Variants in SIL1 observed in about 807,000 individuals in gnomAD.
SIL1 encodes nucleotide exchange factor SIL1.
In SIL1, 40 loss-of-function variants were observed where a neutral mutation model predicts 49.1. The ratio of observed to expected loss-of-function variants is 0.81; its 90% CI spans 0.63 to 1.06. The LOEUF (loss-of-function observed/expected upper bound fraction) is 1.06, where lower values mean the gene tolerates loss of function less well. Among genes scored for constraint, SIL1 ranks in the 50% least tolerant of loss-of-function variants. The pLI is 0.00. For missense variants in SIL1, 500 were observed against 572.6 expected (o/e 0.87, Z 1.29); for synonymous variants, 253 against 250.8 (o/e 1.01, Z -0.08).
rs79189247 is a variant in SIL1, at chr5:139,182,021, G to A, written c.-11+16248C>T. On this transcript the variant is annotated intron_variant, in intron 1 of 9. Coordinates refer to ENST00000394817, the MANE Select transcript of SIL1 (RefSeq NM_022464.5). Reference sequence around the variant, plus strand: ...TTTAAGGCAGAGAAGGGGGTGGAAGGTTATTTGAATTTAAACGAGCAGTAA... The same window carrying A: ...TTTAAGGCAGAGAAGGGGGTGGAAGATTATTTGAATTTAAACGAGCAGTAA... Among the ~76,000 whole-genome samples the A allele has an allele frequency of 9.7e-3, 1,480 of 152,222 alleles. 25 individuals are homozygous for A. Among genetic ancestry groups the A allele is most frequent in the African/African-American group, 0.028 (1,144 of 41,528 alleles).
chr5:139,131,930 A>G lies in SIL1; in HGVS notation c.-10-4077T>C, dbSNP rs117014803. Among the ~76,000 whole-genome samples the G allele has an allele frequency of 9.7e-4, 148 of 152,272 alleles. 1 individual carries two copies. In the East Asian group the frequency reaches 0.025, roughly 26 times the overall value. ...GCTGCAGCCTTGGCTGTGGGGAGAA[A>G]AAGAATAAAGAATAGAAGTGGGGGA... On this transcript the variant is annotated intron_variant, in intron 1 of 9. Coordinates refer to ENST00000394817, the MANE Select transcript of SIL1 (RefSeq NM_022464.5).
intron 7 of SIL1, among the ~76,000 whole-genome samples, chr5:138,988,482 C>T (rs976447977): frequency 2.0e-5 from 3 of 152,172 alleles, no homozygotes; most frequent in Admixed American, 6.5e-5. Flanking sequence ...ATACCTCCTT[C>T]GTTTAAACAA....
chr5:139,098,320 G>A (rs1770513742), intron 3 of SIL1, among the ~76,000 whole-genome samples: 1 of 152,142 alleles, frequency 6.6e-6, no homozygotes, highest in Non-Finnish European at 1.5e-5. Context: ...TTTGACAAAG[G>A]TGCCAAGAAC....
Position 139,157,539 on chromosome 5 carries a change from A to G in SIL1, c.-10-29686T>C, listed in dbSNP as rs771904488. 2.0e-4 allele frequency among the ~76,000 whole-genome samples: 31 copies of G among 152,342 alleles called. 1 individual carries two copies. Among genetic ancestry groups the G allele is most frequent in the Middle Eastern group, 3.4e-3 (1 of 294 alleles). On this transcript the variant is annotated intron_variant, in intron 1 of 9. Coordinates refer to ENST00000394817, the MANE Select transcript of SIL1 (RefSeq NM_022464.5). ...GCCCAGAGGTACCTCAAGTTAACCA[A>G]TTCTGGAATTAACAAGCAAGCTAAT...
At chr5:139,055,796 G>C (rs955812165) in intron 3 of SIL1, among the ~76,000 whole-genome samples, 1,854 of 117,662 alleles carry the variant, frequency 0.016, 43 homozygotes, top group African/African-American at 0.067. Flanking sequence ...TCAGCCTGCC[G>C]AGTGCCTGCG....
chr5:139,140,180 G>A, intron 1 of SIL1, among the ~76,000 whole-genome samples: 1 of 151,930 alleles, frequency 6.6e-6, no homozygotes, highest in East Asian at 1.9e-4. Context: ...TGAGGCAAGA[G>A]AATTGCTTGA....
intron 3 of SIL1, among the ~76,000 whole-genome samples, chr5:139,112,720 G>A (rs1425043026): frequency 1.3e-5 from 2 of 150,254 alleles, no homozygotes; most frequent in African/African-American, 4.9e-5. Flanking sequence ...TGCGGGAGGT[G>A]GGGGGCGCCT....
rs1455745975 is a variant in SIL1 at position 139,040,485 on chromosome 5, TTTTTTCTTTTTTC to T, written c.453+2122_453+2134del. Among the ~76,000 whole-genome samples the T allele has an allele frequency of 1.0e-4, 10 of 100,362 alleles. 1 individual carries two copies. The highest frequency in any genetic ancestry group is 1.8e-4 in the Non-Finnish European group (10 of 55,326). The allele number at this position is 100,362 out of a possible 152,430, so 65.8% of individuals were successfully genotyped here. ...TGCAAGGGGAGAGGAGTATTTTTTC[TTTTTTCTTTTTTC>T]TTTTTTTTTTTTTTTTTGAGACAGA... On this transcript the variant is annotated intron_variant, in intron 5 of 9. Coordinates refer to ENST00000394817, the MANE Select transcript of SIL1 (RefSeq NM_022464.5).
At chr5:139,181,691 AG>A (rs1751986277) in intron 1 of SIL1, among the ~76,000 whole-genome samples, 1 of 152,206 alleles carries the variant, frequency 6.6e-6, no homozygotes, top group African/African-American at 2.4e-5. Flanking sequence ...CCTTCTTTAT[AG>A]GACCCGCCAG....
chr5:138,951,205 A>G lies in SIL1; in HGVS notation c.995T>C (p.Val332Ala). Residue 332 changes from valine (V) to alanine (A), a missense_variant, in exon 9 of 10, where the codon GTG becomes GCG. Val to Ala is a moderately conservative substitution (Grantham distance 64). Coordinates refer to ENST00000394817, the MANE Select transcript of SIL1 (RefSeq NM_022464.5). ...EKGTEVLAVR[V>A]VTLLYDLVTE... ...GACCAGGTCGTAGAGCAGTGTGACC[A>G]CGCGCACGGCGAGCACCTCCGTGCC... 1 of 1,610,796 alleles carries G rather than the reference A, an allele frequency of 6.2e-7. No individual in the cohort carries two copies. The highest frequency in any genetic ancestry group is 8.5e-7 in the Non-Finnish European group (1 of 1,178,572).
At chr5:139,045,079 G>A (rs187504435) in intron 4 of SIL1, among the ~76,000 whole-genome samples, 71 of 152,226 alleles carry the variant, frequency 4.7e-4, no homozygotes, top group South Asian at 2.5e-3. Context: ...ACTCTCAGTC[G>A]GGTGTGGTGG....
Position 139,162,027 on chromosome 5 carries a change from A to C in SIL1, c.-10-34174T>G, listed in dbSNP as rs1043820626. 1.6e-4 allele frequency among the ~76,000 whole-genome samples: 24 copies of C among 152,054 alleles called. 1 individual carries two copies. Among genetic ancestry groups the C allele is most frequent in the African/African-American group, 5.5e-4 (23 of 41,470 alleles). On this transcript the variant is annotated intron_variant, in intron 1 of 9. Transcript: ENST00000394817. ...GACTCTGTCTCAAAAAAAAAAAAAAATTAGGATTGCCTAGGCCTTACCAGG... is the reference window on the plus strand; with the variant it reads ...GACTCTGTCTCAAAAAAAAAAAAAACTTAGGATTGCCTAGGCCTTACCAGG...
chr5:139,093,248 C>A (rs1490054137), intron 3 of SIL1, among the ~76,000 whole-genome samples: 1 of 152,208 alleles, frequency 6.6e-6, no homozygotes, highest in Non-Finnish European at 1.5e-5. Context: ...ACAGATGCAG[C>A]TCCTCAAACT....
intron 1 of SIL1, among the ~76,000 whole-genome samples, chr5:139,188,418 T>C (rs1485629155): frequency 6.6e-6 from 1 of 152,236 alleles, no homozygotes; most frequent in Non-Finnish European, 1.5e-5. Flanking sequence ...TCCCTCCAAA[T>C]AGTGAGTTTT....
chr5:138,980,977 G>A lies in SIL1; in HGVS notation c.768-29093C>T, dbSNP rs58646122. ...CCCAGCACTTAGGGAGGCCGAGGCA[G>A]GCGGATCACTTGAGGTCAGGGGTTT... On this transcript the variant is annotated intron_variant, in intron 7 of 9. Transcript: ENST00000394817. Among the ~76,000 whole-genome samples, 695 of 152,220 alleles carry A rather than the reference G, an allele frequency of 4.6e-3. 6 individuals carry two copies. Among genetic ancestry groups the A allele is most frequent in the African/African-American group, 0.016 (671 of 41,526 alleles).
At chr5:139,105,973 A>C (rs1028878362) in intron 3 of SIL1, among the ~76,000 whole-genome samples, 1 of 152,244 alleles carries the variant, frequency 6.6e-6, no homozygotes, top group African/African-American at 2.4e-5. Flanking sequence ...AGCCGTGCCA[A>C]ACTGTCTGTA....
intron 1 of SIL1, among the ~76,000 whole-genome samples, chr5:139,159,849 A>G (rs1751474020): frequency 6.6e-6 from 1 of 152,204 alleles, no homozygotes; most frequent in African/African-American, 2.4e-5. Flanking sequence ...GTTCTTACTC[A>G]GGATTTAAGA....
chr5:139,057,340 A>T (rs1193343726), intron 3 of SIL1, among the ~76,000 whole-genome samples: 1 of 150,572 alleles, frequency 6.6e-6, no homozygotes, highest in African/African-American at 2.5e-5. Context: ...AAAAGAAAAG[A>T]ACATCACTGC....
In SIL1 at chr5:138,948,638, T is replaced by C. The variant is rs1167005734; in HGVS notation, c.1030-1165A>G. ...CCGACTTCCAGGTGCACCCCCGCAT[T>C]GGCCCCATTCACTCCACGGCTCCCT... is the stretch of plus-strand genomic sequence containing the variant. On this transcript the variant is annotated intron_variant, in intron 9 of 9. Transcript: ENST00000394817. This position sits in a 1 kb window ranked among gnomAD's most constrained non-coding sequence, Gnocchi z 4.8. Among the ~76,000 whole-genome samples, 1 of 264 alleles carries C rather than the reference T, an allele frequency of 3.8e-3. No homozygotes were observed. Among genetic ancestry groups the C allele is most frequent in the East Asian group, 0.083 (1 of 12 alleles). 0.2% of individuals were successfully genotyped at this position (264 alleles called of 152,430 possible).
Sources: allele counts gnomAD v4.1 joint callset (sites outside exome capture counted in the v4.1 genomes callset), GRCh38; gene constraint gnomAD v4.1.1; non-coding constraint Gnocchi (gnomAD v3.1); transcripts MANE v1.5; gene names NCBI Gene and HGNC (gene_info 2026-07-23, HGNC 2026-07-21).